The following CTNNA3 variants were observed in gnomAD, a reference collection of about 807,000 sequenced individuals.
CTNNA3 encodes the protein catenin alpha 3.
A neutral mutation model predicts 95.7 loss-of-function variants in CTNNA3; 76 were observed. That is an observed-to-expected ratio of 0.79 (90% CI 0.66 to 0.96). CTNNA3 has a LOEUF of 0.96. Ranked by LOEUF, CTNNA3 falls within the 40% of genes least tolerant of loss-of-function variation. The pLI is 0.00. For missense variants in CTNNA3, 1,191 were observed against 1,089.8 expected (o/e 1.09, Z -1.31); for synonymous variants, 431 against 374.4 (o/e 1.15, Z -1.74).
chr10:67,448,084 G>A (rs1846823362), intron 5 of CTNNA3, among the ~76,000 whole-genome samples: 1 of 152,134 alleles, frequency 6.6e-6, no homozygotes, highest in South Asian at 2.1e-4. Context: ...TGTCACCCCT[G>A]CTTTCAAAAT....
chr10:67,181,728 T>TA (rs1862556012), intron 6 of CTNNA3, among the ~76,000 whole-genome samples: 1 of 152,088 alleles, frequency 6.6e-6, no homozygotes. Context: ...TACATTCTGA[T>TA]AAATATTTGG....
intron 11 of CTNNA3, among the ~76,000 whole-genome samples, chr10:66,501,971 G>A (rs1000862986): frequency 4.6e-5 from 7 of 152,186 alleles, no homozygotes; most frequent in Non-Finnish European, 8.8e-5. Context: ...AGACTTCACC[G>A]TAAGATTACA....
intron 14 of CTNNA3, among the ~76,000 whole-genome samples, chr10:66,079,942 GTAAAA>G (rs1246256368): frequency 2.6e-5 from 4 of 151,982 alleles, no homozygotes; most frequent in Non-Finnish European, 5.9e-5. Context: ...TTTTAAAAAG[GTAAAA>G]TAAAATAGTT....
chr10:67,563,377 A>C (rs1443063670), intron 3 of CTNNA3, among the ~76,000 whole-genome samples: 1 of 152,214 alleles, frequency 6.6e-6, no homozygotes, highest in Non-Finnish European at 1.5e-5. Flanking sequence ...ACCTGAGAAA[A>C]ACTAGAAATG....
At chr10:67,723,050 A>T (rs1841189336) in intron 1 of CTNNA3, among the ~76,000 whole-genome samples, 1 of 146,596 alleles carries the variant, frequency 6.8e-6, no homozygotes, top group East Asian at 2.0e-4. Context: ...CCAGTGGCGT[A>T]ATCTTGGCTC....
rs535262256 is a variant in CTNNA3 at position 66,176,731 on chromosome 10, A to G, written c.1885-73482T>C. ...AGGAAGTGTCATCTATGAACCAGAA[A>G]GTAGAACCTCACTAGACACCAAATA... is the stretch of plus-strand genomic sequence containing the variant. On this transcript the variant is annotated intron_variant, in intron 13 of 17. Coordinates refer to ENST00000433211, the MANE Select transcript of CTNNA3 (RefSeq NM_013266.4). Among the ~76,000 whole-genome samples the G allele has an allele frequency of 7.2e-5, 11 of 152,192 alleles. No homozygotes were observed. In the East Asian group the frequency reaches 1.4e-3, roughly 19 times the overall value.
chr10:67,755,725 CAG>C (rs1247902376), intron 1 of CTNNA3, among the ~76,000 whole-genome samples: 1 of 145,954 alleles, frequency 6.9e-6, no homozygotes, highest in Non-Finnish European at 1.5e-5. Flanking sequence ...TCACTTGAAC[CAG>C]GGAGCTGGAG....
chr10:66,094,726 A>G (rs1589384776), intron 14 of CTNNA3, among the ~76,000 whole-genome samples: 1 of 152,168 alleles, frequency 6.6e-6, no homozygotes, highest in East Asian at 1.9e-4. Flanking sequence ...TCTTTGTTTC[A>G]GCAGAGTTGA....
intron 7 of CTNNA3, among the ~76,000 whole-genome samples, chr10:66,856,574 T>G (rs557948029): frequency 1.3e-5 from 2 of 152,182 alleles, no homozygotes; most frequent in Admixed American, 1.3e-4. Flanking sequence ...TAACTGTTAT[T>G]TTTTTACTTT....
At chr10:66,380,580 C>G (rs2092829693) in intron 11 of CTNNA3, among the ~76,000 whole-genome samples, 2 of 149,700 alleles carry the variant, frequency 1.3e-5, no homozygotes, top group South Asian at 4.2e-4. Flanking sequence ...TACACTCCAG[C>G]CTGGGTAATA....
At chr10:66,721,080 G>T (rs758767274) in intron 9 of CTNNA3, among the ~76,000 whole-genome samples, 1 of 152,110 alleles carries the variant, frequency 6.6e-6, no homozygotes, top group Admixed American at 6.5e-5. Flanking sequence ...TGAATCACAC[G>T]TACAGACAAA....
intron 10 of CTNNA3, among the ~76,000 whole-genome samples, chr10:66,531,474 G>A (rs1049585046): frequency 7.9e-5 from 12 of 152,108 alleles, no homozygotes; most frequent in Admixed American, 4.6e-4. Context: ...TTCAAGCAAT[G>A]CTCCTGGCTC....
At chr10:67,252,767 T>G (rs1256000496) in intron 5 of CTNNA3, among the ~76,000 whole-genome samples, 1 of 152,218 alleles carries the variant, frequency 6.6e-6, no homozygotes, top group Non-Finnish European at 1.5e-5. Context: ...GACTCCTTGC[T>G]GAAATTCTCA....
intron 11 of CTNNA3, among the ~76,000 whole-genome samples, chr10:66,512,045 G>A (rs1840681027): frequency 6.6e-6 from 1 of 151,814 alleles, no homozygotes; most frequent in Non-Finnish European, 1.5e-5. Flanking sequence ...CTATATATCT[G>A]AGTGCTCTGG....
At chr10:66,206,020 C>G (rs181149394) in intron 13 of CTNNA3, among the ~76,000 whole-genome samples, 1 of 151,900 alleles carries the variant, frequency 6.6e-6, no homozygotes, top group African/African-American at 2.4e-5. Flanking sequence ...TCATTACCCT[C>G]TAATTTGACC....
At chr10:67,390,873 T>C (rs1258416676) in intron 5 of CTNNA3, among the ~76,000 whole-genome samples, 2 of 148,544 alleles carry the variant, frequency 1.3e-5, no homozygotes, top group Middle Eastern at 3.3e-3. Context: ...TGCTAAAAAC[T>C]CTCAATAAAT....
intron 2 of CTNNA3, among the ~76,000 whole-genome samples, chr10:67,631,600 T>C (rs1178196006): frequency 6.6e-6 from 1 of 152,216 alleles, no homozygotes; most frequent in Non-Finnish European, 1.5e-5. Context: ...CTGGTGGCAA[T>C]GTGAACTTAA....
At chr10:66,103,061 G>A (rs1442269778) in intron 14 of CTNNA3, 96 bp downstream of exon 14, 2 of 920,626 alleles carry the variant, frequency 2.2e-6, no homozygotes, top group Admixed American at 3.6e-5. Flanking sequence ...CCAGATCCAG[G>A]AGTCCCACCC....
intron 9 of CTNNA3, among the ~76,000 whole-genome samples, chr10:66,641,096 C>T (rs1367480181): frequency 2.0e-5 from 3 of 152,010 alleles, no homozygotes; most frequent in African/African-American, 7.2e-5. Context: ...TTGTTTATAA[C>T]AGCAAAAAAA....
Sources: allele counts gnomAD v4.1 joint callset (sites outside exome capture counted in the v4.1 genomes callset), GRCh38; gene constraint gnomAD v4.1.1; transcripts MANE v1.5; gene names NCBI Gene and HGNC (gene_info 2026-07-23, HGNC 2026-07-21).